The following RBL1 variants were observed in gnomAD, a reference collection of about 807,000 sequenced individuals.
RBL1 encodes RB transcriptional corepressor like 1.
A neutral mutation model predicts 123.0 loss-of-function variants in RBL1; 82 were observed. The observed-to-expected ratio is 0.67, with a 90% CI of 0.56 to 0.80. The LOEUF (loss-of-function observed/expected upper bound fraction) is 0.80. Among genes scored for constraint, RBL1 ranks in the 30% least tolerant of loss-of-function variants. The pLI is 0.00. For missense variants in RBL1, 1,171 were observed against 1,299.6 expected (o/e 0.90, Z 1.52); for synonymous variants, 405 against 441.3 (o/e 0.92, Z 1.03).
chr20:37,023,333 G>C (rs548929584), intron 16 of RBL1, among the ~76,000 whole-genome samples: 2 of 152,184 alleles, frequency 1.3e-5, no homozygotes, highest in African/African-American at 4.8e-5. Flanking sequence ...ATGTTGGCCA[G>C]GCTGGTCTTT....
intron 11 of RBL1, among the ~76,000 whole-genome samples, chr20:37,047,841 G>A (rs948328605): frequency 6.6e-6 from 1 of 151,984 alleles, no homozygotes; most frequent in Non-Finnish European, 1.5e-5. Flanking sequence ...TTAGCTGGGT[G>A]TGGTGGCGCG....
chr20:37,081,245 C>T (rs1363047050), intron 2 of RBL1, among the ~76,000 whole-genome samples: 1 of 152,164 alleles, frequency 6.6e-6, no homozygotes, highest in Non-Finnish European at 1.5e-5. Context: ...ATGAACCTTC[C>T]TAATGGTGTG....
At chr20:37,084,118 T>C (rs1418505259) in intron 2 of RBL1, among the ~76,000 whole-genome samples, 1 of 151,946 alleles carries the variant, frequency 6.6e-6, no homozygotes, top group Non-Finnish European at 1.5e-5. Context: ...CAGGCTGGTC[T>C]TGAACTCTTG....
At chr20:37,043,439 C>A (rs979741587) in intron 13 of RBL1, among the ~76,000 whole-genome samples, 1 of 151,016 alleles carries the variant, frequency 6.6e-6, no homozygotes. Flanking sequence ...TGCAGTGAGC[C>A]GAGACTGTGC....
chr20:37,006,613 G>A (rs1216267021), intron 20 of RBL1, among the ~76,000 whole-genome samples: 3 of 151,002 alleles, frequency 2.0e-5, no homozygotes, highest in African/African-American at 4.9e-5. Flanking sequence ...GGCCGAGGTG[G>A]GCGGATCACA....
In RBL1 at chr20:37,047,182, T is replaced by C; in HGVS notation, c.1476A>G (p.Leu492=). The C allele has an allele frequency of 6.3e-7, 1 of 1,588,338 alleles. No homozygotes were observed. Among genetic ancestry groups the C allele is most frequent in the Non-Finnish European group, 8.5e-7 (1 of 1,174,328 alleles). ...RLHGMDMSVL[L]EQDIFHRSLM... ...AGGAACGATGAAATATATCTTGCTCTAAAAGAACCTGGGGGAAGAGAAAGA... is the reference window on the plus strand; with the variant it reads ...AGGAACGATGAAATATATCTTGCTCCAAAAGAACCTGGGGGAAGAGAAAGA... The change falls in exon 12 of 22, where the codon TTA becomes TTG. Residue 492 remains leucine (L), a synonymous_variant. Coordinates refer to ENST00000373664, the MANE Select transcript of RBL1 (RefSeq NM_002895.5).
At position 37,065,438 on chromosome 20, in the gene RBL1, A is replaced by T; in HGVS notation, c.882T>A (p.Ser294Arg). Residue 294 changes from serine to arginine, a missense_variant, in exon 7 of 22, where the codon AGT (serine) becomes AGA (arginine). By Grantham distance (110) the Ser-to-Arg change is moderately radical (BLOSUM62 -1). Coordinates refer to ENST00000373664, the MANE Select transcript of RBL1 (RefSeq NM_002895.5). ...TAGATATTTACCTATTATCAGTAAA[A>T]CTTGAAAGGTCCAGGAGGCATTCTC... is the stretch of plus-strand genomic sequence containing the variant. ...LKGECLLDLS[S>R]FTDNSKAVNK... The T allele has an allele frequency of 3.1e-6, 5 of 1,593,538 alleles. No homozygotes were observed. The highest frequency in any genetic ancestry group is 4.3e-6 in the Non-Finnish European group (5 of 1,166,698).
At chr20:37,000,917 C>T (rs1490759957) in intron 21 of RBL1, among the ~76,000 whole-genome samples, 1 of 144,324 alleles carries the variant, frequency 6.9e-6, no homozygotes, top group African/African-American at 2.6e-5. Flanking sequence ...GCCCCCCGCC[C>T]GGCCAGCCGC....
chr20:37,088,414 C>G (rs987374249), intron 2 of RBL1, among the ~76,000 whole-genome samples: 4 of 152,086 alleles, frequency 2.6e-5, no homozygotes, highest in African/African-American at 9.7e-5. Context: ...TTTGTAACTT[C>G]TCTGTAAGCC....
rs2063890490 is a variant in RBL1, at chr20:36,996,431, T to C, written c.*2328A>G. On this transcript the variant is annotated 3_prime_UTR_variant, in exon 22 of 22. Transcript: ENST00000373664. Reference sequence around the variant, plus strand: ...CAAGTCCTGAAAACTGATAAAAACATGTCCAGAATTTCTTTTTTTCCTTTT... The same window carrying C: ...CAAGTCCTGAAAACTGATAAAAACACGTCCAGAATTTCTTTTTTTCCTTTT... 1 of 152,134 alleles carries C rather than the reference T, an allele frequency of 6.6e-6. No individual in the cohort carries two copies. 9.4% of individuals were successfully genotyped at this position (152,134 alleles called of 1,614,324 possible).
intron 2 of RBL1, among the ~76,000 whole-genome samples, chr20:37,070,063 T>C (rs960264934): frequency 3.3e-5 from 5 of 152,212 alleles, no homozygotes; most frequent in African/African-American, 9.6e-5. Flanking sequence ...AGAAATCGAA[T>C]GGTTGCCGTG....
rs553297186 is a variant in RBL1 at position 37,052,154 on chromosome 20, T to G, written c.1467+3399A>C. On this transcript the variant is annotated intron_variant, in intron 11 of 21. Transcript: ENST00000373664. ...TTCAAGAGATTCTCCTGTCTCAGCC[T>G]CCCGAGTAGCTGGGATTACAGGTGC... Among the ~76,000 whole-genome samples, 3 of 152,116 alleles carry G rather than the reference T, an allele frequency of 2.0e-5. 1 individual carries two copies. The highest frequency in any genetic ancestry group is 2.1e-4 in the South Asian group (1 of 4,806).
intron 1 of RBL1, among the ~76,000 whole-genome samples, chr20:37,095,367 C>CCTG (rs1378408841): frequency 6.6e-6 from 1 of 152,170 alleles, no homozygotes; most frequent in Non-Finnish European, 1.5e-5. Context: ...AAATGGGGAT[C>CCTG]ACAGAAGGGG....
chr20:37,042,554 T>A (rs2064746276), intron 13 of RBL1, among the ~76,000 whole-genome samples: 1 of 152,100 alleles, frequency 6.6e-6, no homozygotes, highest in African/African-American at 2.4e-5. Flanking sequence ...AAAACATATG[T>A]ACATATGTTC....
chr20:37,056,503 C>T (rs1440712883), intron 9 of RBL1, among the ~76,000 whole-genome samples: 1 of 151,982 alleles, frequency 6.6e-6, no homozygotes, highest in African/African-American at 2.4e-5. Context: ...TATAGGCGCG[C>T]ACTACCACAC....
Position 37,066,711 on chromosome 20 carries a change from A to G in RBL1, c.846+13T>C, listed in dbSNP as rs759721600. 34 of 1,598,142 alleles carry G rather than the reference A, an allele frequency of 2.1e-5. No homozygotes were observed. Among genetic ancestry groups the G allele is most frequent in the Middle Eastern group, 1.7e-4 (1 of 6,026 alleles). On this transcript the variant is annotated intron_variant, in intron 6 of 21. Coordinates refer to ENST00000373664, the MANE Select transcript of RBL1 (RefSeq NM_002895.5). ...CTGTAAACATCTCAGTCATCTAATT[A>G]TAAGTACAGTACCTTCCTGTCAAAG...
Position 37,012,724 on chromosome 20 carries a change from G to A in RBL1, c.2723-5165C>T, listed in dbSNP as rs1369070575. Among the ~76,000 whole-genome samples, 10 of 150,306 alleles carry A rather than the reference G, an allele frequency of 6.7e-5. No homozygotes were observed. In the East Asian group the frequency reaches 8.0e-4, roughly 12 times the overall value. ...CAACCCCCGCCAGGCCAGCCGCCCC[G>A]TCCGGGAGGGAGGTGGGGGGGTCAG... On this transcript the variant is annotated intron_variant, in intron 19 of 21. Transcript: ENST00000373664.
chr20:37,032,345 T>G (rs1327217640), intron 16 of RBL1, among the ~76,000 whole-genome samples: 1 of 152,132 alleles, frequency 6.6e-6, no homozygotes, highest in East Asian at 1.9e-4. Flanking sequence ...ATGACTTCAC[T>G]CATAGGAAGA....
chr20:37,048,902 A>G (rs2064857135), intron 11 of RBL1, among the ~76,000 whole-genome samples: 1 of 126,964 alleles, frequency 7.9e-6, no homozygotes, highest in Non-Finnish European at 1.6e-5. Flanking sequence ...CCATCGTATT[A>G]AAAAAAAAAA....
Sources: allele counts gnomAD v4.1 joint callset (sites outside exome capture counted in the v4.1 genomes callset), GRCh38; gene constraint gnomAD v4.1.1; transcripts MANE v1.5; gene names NCBI Gene and HGNC (gene_info 2026-07-23, HGNC 2026-07-21).